The following RBFOX1 variants were observed in gnomAD, a reference collection of about 807,000 sequenced individuals.
The protein encoded by RBFOX1 is RNA binding protein fox-1 homolog 1.
In RBFOX1, 8 loss-of-function variants were observed where a neutral mutation model predicts 57.7. That is an observed-to-expected ratio of 0.14 (90% CI 0.08 to 0.25). RBFOX1 has a LOEUF of 0.25. Ranked by LOEUF, RBFOX1 falls within the 10% of genes least tolerant of loss-of-function variation. The pLI, the probability that RBFOX1 is intolerant of heterozygous loss-of-function variation, is 1.00. For synonymous variants in RBFOX1, 326 were observed against 222.4 expected (o/e 1.47, Z -4.15); for missense variants, 611 against 548.5 (o/e 1.11, Z -1.14).
chr16:6,701,138 T>C (rs2061779990), intron 3 of RBFOX1, among the ~76,000 whole-genome samples: 1 of 149,132 alleles, frequency 6.7e-6, no homozygotes, highest in South Asian at 2.1e-4. Context: ...TGTGTGTATG[T>C]GTGTGTGTGT....
intron 4 of RBFOX1, among the ~76,000 whole-genome samples, chr16:7,210,285 C>A (rs1284677790): frequency 6.6e-6 from 1 of 152,100 alleles, no homozygotes; most frequent in South Asian, 2.1e-4. Context: ...TTCAGAAATC[C>A]ATGGGCCAGG....
rs8048961 is a variant in RBFOX1 at position 6,885,241 on chromosome 16, C to T, written c.-15-166816C>T. Among the ~76,000 whole-genome samples, 230 of 152,266 alleles carry T rather than the reference C, an allele frequency of 1.5e-3. 1 individual carries two copies. The highest frequency in any genetic ancestry group is 3.0e-3 in the African/African-American group (124 of 41,560). ...ACTGTGGTTTTTCAGATGTGGTCTC[C>T]AGTCCAGCAGCGTCAGCATCACCTG... On this transcript the variant is annotated intron_variant, in intron 3 of 15. Coordinates refer to ENST00000550418, the MANE Select transcript of RBFOX1 (RefSeq NM_018723.4).
At chr16:7,424,804 C>T (rs1198376953) in intron 4 of RBFOX1, among the ~76,000 whole-genome samples, 1 of 152,172 alleles carries the variant, frequency 6.6e-6, no homozygotes, top group Non-Finnish European at 1.5e-5. Flanking sequence ...ATCACATAAT[C>T]ACCTTTCTAG....
intron 1 of RBFOX1, among the ~76,000 whole-genome samples, chr16:6,237,422 C>T (rs1359779351): frequency 2.0e-5 from 3 of 152,142 alleles, no homozygotes; most frequent in Non-Finnish European, 4.4e-5. Flanking sequence ...GGTAAGCCAA[C>T]GTGCCTCAGG....
intron 1 of RBFOX1, among the ~76,000 whole-genome samples, chr16:6,261,765 G>A (rs554720801): frequency 1.3e-5 from 2 of 152,268 alleles, no homozygotes; most frequent in African/African-American, 4.8e-5. Flanking sequence ...GGAGGCTGAG[G>A]CAGGTGGATC....
rs151152010 is a variant in RBFOX1 at position 5,908,203 on chromosome 16, C to T, written c.351+40868C>T. Reference sequence around the variant, plus strand: ...ACATATATACACATATATACATATACACACATATATATACATATATACACA... The same window carrying T: ...ACATATATACACATATATACATATATACACATATATATACATATATACACA... On this transcript the variant is annotated intron_variant, in intron 4 of 19. Coordinates refer to the RBFOX1 transcript ENST00000641259. Among the ~76,000 whole-genome samples, 333 of 92,088 alleles carry T rather than the reference C, an allele frequency of 3.6e-3. 3 individuals are homozygous for T. The highest frequency in any genetic ancestry group is 6.9e-3 in the South Asian group (12 of 1,746). 60.4% of individuals were successfully genotyped at this position (92,088 alleles called of 152,430 possible).
chr16:7,491,104 C>G (rs577072483), intron 4 of RBFOX1, among the ~76,000 whole-genome samples: 80 of 152,242 alleles, frequency 5.3e-4, no homozygotes, highest in African/African-American at 1.8e-3. Flanking sequence ...AAATCTGGCT[C>G]TTAAATAAAG....
chr16:7,344,827 T>A (rs2096964078), intron 4 of RBFOX1, among the ~76,000 whole-genome samples: 1 of 152,234 alleles, frequency 6.6e-6, no homozygotes, highest in Admixed American at 6.5e-5. Flanking sequence ...AGCTTTGGTG[T>A]CTGTCGTCTC....
At chr16:5,315,996 T>C (rs1311666869) in intron 1 of RBFOX1, among the ~76,000 whole-genome samples, 1 of 152,108 alleles carries the variant, frequency 6.6e-6, no homozygotes, top group Non-Finnish European at 1.5e-5. Flanking sequence ...CCACCTACAG[T>C]AGGTCTCCTC....
intron 1 of RBFOX1, among the ~76,000 whole-genome samples, chr16:5,371,651 G>T (rs1292431917): frequency 6.6e-6 from 1 of 152,190 alleles, no homozygotes; most frequent in East Asian, 1.9e-4. Context: ...GTGGTGCAGG[G>T]GCAATTCACG....
chr16:6,822,797 C>T (rs1232067691), intron 3 of RBFOX1, among the ~76,000 whole-genome samples: 1 of 152,188 alleles, frequency 6.6e-6, no homozygotes, highest in East Asian at 1.9e-4. Flanking sequence ...TGGTCTGACT[C>T]TCCAACCAGG....
At chr16:7,373,173 T>G (rs1417986436) in intron 4 of RBFOX1, among the ~76,000 whole-genome samples, 1 of 152,150 alleles carries the variant, frequency 6.6e-6, no homozygotes, top group African/African-American at 2.4e-5. Context: ...GACCTTGTGA[T>G]CTACCTGCCT....
chr16:5,834,710 G>GATAGATAGATAGATAC (rs1555541456), intron 3 of RBFOX1, among the ~76,000 whole-genome samples: 6 of 124,562 alleles, frequency 4.8e-5, no homozygotes, highest in African/African-American at 1.9e-4. Flanking sequence ...TAGATAGATA[G>GATAGATAGATAGATAC]ATAGATACAT....
At chr16:5,381,019 T>C (rs1202905329) in intron 1 of RBFOX1, among the ~76,000 whole-genome samples, 2 of 152,250 alleles carry the variant, frequency 1.3e-5, no homozygotes, top group African/African-American at 4.8e-5. Flanking sequence ...AAAGCATGGC[T>C]TGAGCTTTGG....
intron 1 of RBFOX1, among the ~76,000 whole-genome samples, chr16:5,438,596 C>G (rs2067988030): frequency 6.6e-6 from 1 of 152,194 alleles, no homozygotes; most frequent in Non-Finnish European, 1.5e-5. Flanking sequence ...CAGCCCCCTA[C>G]TTGATTCTAG....
chr16:6,988,751 GTT>G (rs1491218767), intron 3 of RBFOX1, among the ~76,000 whole-genome samples: 1,508 of 54,706 alleles, frequency 0.028, 30 homozygotes, highest in Middle Eastern at 0.042. Context: ...TTGTTTGTTT[GTT>G]TTTTGTTTTT....
intron 4 of RBFOX1, among the ~76,000 whole-genome samples, chr16:7,427,890 A>G (rs1028353738): frequency 1.3e-5 from 2 of 152,108 alleles, no homozygotes; most frequent in African/African-American, 4.8e-5. Context: ...CTGACCTCAG[A>G]TGATCTGCCT....
At chr16:7,688,241 G>C (rs1241218177) in intron 14 of RBFOX1, among the ~76,000 whole-genome samples, 2 of 149,642 alleles carry the variant, frequency 1.3e-5, no homozygotes, top group East Asian at 4.0e-4. Flanking sequence ...GTGTGTGTGT[G>C]TGTGTGTGTG....
intron 4 of RBFOX1, among the ~76,000 whole-genome samples, chr16:7,516,413 C>A (rs1305305865): frequency 1.3e-5 from 2 of 152,122 alleles, no homozygotes; most frequent in African/African-American, 4.8e-5. Flanking sequence ...TCAACTGTAT[C>A]TGCACCATAC....
Sources: gnomAD v4.1 joint callset for allele counts (sites outside exome capture counted in the v4.1 genomes callset) on GRCh38, gnomAD v4.1.1 for gene constraint, MANE v1.5 for transcripts, NCBI Gene and HGNC (gene_info 2026-07-23, HGNC 2026-07-21) for gene names.